MAGI2: variants seen among roughly 807,000 people sequenced by gnomAD.
The protein encoded by MAGI2 is membrane associated guanylate kinase, WW and PDZ domain containing 2, also known as membrane-associated guanylate kinase, WW and PDZ domain-containing protein 2.
Under a neutral mutation model 133.3 loss-of-function variants are expected in MAGI2, and 35 were observed. The ratio of observed to expected loss-of-function variants is 0.26; its 90% confidence interval spans 0.20 to 0.35. The LOEUF (loss-of-function observed/expected upper bound fraction) is 0.35, where lower values mean the gene tolerates loss of function less well. Ranked by LOEUF, MAGI2 falls within the 10% of genes least tolerant of loss-of-function variation. MAGI2 has a pLI of 1.00. For synonymous variants in MAGI2, 729 were observed against 710.6 expected (o/e 1.03, Z -0.41); for missense variants, 1,636 against 1,863.4 (o/e 0.88, Z 2.25).
At chr7:78,821,702 C>CCT (rs1316899949) in intron 2 of MAGI2, among the ~76,000 whole-genome samples, 3 of 151,732 alleles carry the variant, frequency 2.0e-5, no homozygotes, top group Non-Finnish European at 4.4e-5. Context: ...TATTTCATTT[C>CCT]CTCTCTCTAA....
intron 2 of MAGI2, among the ~76,000 whole-genome samples, chr7:78,719,424 G>T (rs1820041731): frequency 6.6e-6 from 1 of 152,120 alleles, no homozygotes; most frequent in South Asian, 2.1e-4. Flanking sequence ...CATTGTGTTG[G>T]CAAGTTTAGT....
At chr7:78,883,344 G>T (rs1468644250) in intron 2 of MAGI2, among the ~76,000 whole-genome samples, 1 of 151,790 alleles carries the variant, frequency 6.6e-6, no homozygotes, top group African/African-American at 2.4e-5. Flanking sequence ...TTTTTGCAAA[G>T]AGAACTACAA....
At chr7:78,372,005 G>C (rs1038929613) in intron 6 of MAGI2, among the ~76,000 whole-genome samples, 2 of 151,976 alleles carry the variant, frequency 1.3e-5, no homozygotes, top group Non-Finnish European at 2.9e-5. Context: ...GCAGATACAC[G>C]CATTGCTTCA....
intron 1 of MAGI2, among the ~76,000 whole-genome samples, chr7:79,329,356 ATT>A (rs1272341936): frequency 2.6e-5 from 4 of 152,238 alleles, no homozygotes; most frequent in Non-Finnish European, 5.9e-5. Flanking sequence ...ACACGTAATA[ATT>A]TGTTTTATTG....
intron 1 of MAGI2, among the ~76,000 whole-genome samples, chr7:79,173,274 T>C (rs1825788674): frequency 6.6e-6 from 1 of 152,024 alleles, no homozygotes; most frequent in Non-Finnish European, 1.5e-5. Flanking sequence ...GTCATGTTCT[T>C]GCATAGAAAA....
intron 2 of MAGI2, among the ~76,000 whole-genome samples, chr7:78,765,343 C>CT (rs10672746): frequency 0.069 from 6,066 of 88,484 alleles, 618 homozygotes; most frequent in Admixed American, 0.11. Flanking sequence ...TAGTGCACAT[C>CT]TTTTTTTTTT....
chr7:79,146,583 T>C (rs746109804), intron 1 of MAGI2, among the ~76,000 whole-genome samples: 26 of 152,190 alleles, frequency 1.7e-4, no homozygotes, highest in Middle Eastern at 3.2e-3. Context: ...GTTTCCCCCA[T>C]ACTCTTCTTG....
intron 2 of MAGI2, among the ~76,000 whole-genome samples, chr7:78,851,052 T>C (rs977404103): frequency 6.6e-6 from 1 of 152,156 alleles, no homozygotes; most frequent in African/African-American, 2.4e-5. Flanking sequence ...TTTATTTTAA[T>C]GTTTATCACC....
Position 79,393,844 on chromosome 7 carries a change from C to T in MAGI2, c.301+59176G>A, listed in dbSNP as rs185729948. ...AAAAACACAGGCAGTTCCCGCTTCC[C>T]TAAAATGACCCAGATGTCCAAAATA... is the stretch of plus-strand genomic sequence containing the variant. On this transcript the variant is annotated intron_variant, in intron 1 of 21. Coordinates refer to ENST00000354212, the MANE Select transcript of MAGI2 (RefSeq NM_012301.4). Among the ~76,000 whole-genome samples the T allele has an allele frequency of 1.1e-3, 162 of 152,268 alleles. 1 individual carries two copies. Among genetic ancestry groups the T allele is most frequent in the Non-Finnish European group, 2.0e-3 (137 of 68,008 alleles).
chr7:79,325,928 A>G (rs1210628543), intron 1 of MAGI2, among the ~76,000 whole-genome samples: 1 of 152,120 alleles, frequency 6.6e-6, no homozygotes, highest in East Asian at 1.9e-4. Context: ...AATTAACCAC[A>G]TTGAGTGCTG....
chr7:78,416,919 C>A (rs911490508), intron 6 of MAGI2, among the ~76,000 whole-genome samples: 2 of 152,086 alleles, frequency 1.3e-5, no homozygotes, highest in Non-Finnish European at 1.5e-5. Flanking sequence ...GACTTCACAG[C>A]CCCTAGAACT....
chr7:78,283,653 G>T (rs1213780200), intron 9 of MAGI2, among the ~76,000 whole-genome samples: 2 of 152,024 alleles, frequency 1.3e-5, no homozygotes, highest in South Asian at 4.1e-4. Context: ...TTTCATGGGA[G>T]AGAATGGCTA....
intron 6 of MAGI2, among the ~76,000 whole-genome samples, chr7:78,373,185 T>C (rs951264073): frequency 2.0e-5 from 3 of 152,082 alleles, no homozygotes; most frequent in Non-Finnish European, 4.4e-5. Context: ...TTCAATAAAG[T>C]AGCTGACAAG....
rs117988084 is a variant in MAGI2 at position 79,442,878 on chromosome 7, C to T, written c.301+10142G>A. Among the ~76,000 whole-genome samples the T allele has an allele frequency of 2.2e-4, 34 of 152,048 alleles. No individual in the cohort carries two copies. The East Asian group carries it at 6.2e-3, about 28-fold the overall frequency. On this transcript the variant is annotated intron_variant, in intron 1 of 21. Transcript: ENST00000354212. The stretch of plus-strand genomic sequence containing the variant: ...TTTAGTGACCCTCCAAGCCTAAATA[C>T]TTGCTATGTTTTGAAGAAACTTTGT...
chr7:78,777,277 A>G (rs978500330), intron 2 of MAGI2, among the ~76,000 whole-genome samples: 6 of 152,372 alleles, frequency 3.9e-5, no homozygotes, highest in African/African-American at 1.4e-4. Flanking sequence ...TCAAAGAGGC[A>G]GAGCTTCAGC....
intron 1 of MAGI2, among the ~76,000 whole-genome samples, chr7:79,430,748 C>A (rs553321537): frequency 3.3e-5 from 5 of 152,162 alleles, no homozygotes; most frequent in Non-Finnish European, 7.3e-5. Flanking sequence ...TATCACAGAA[C>A]TCACCAAATA....
chr7:78,162,499 T>C (rs1458120667), intron 15 of MAGI2, among the ~76,000 whole-genome samples: 1 of 135,162 alleles, frequency 7.4e-6, no homozygotes, highest in Admixed American at 8.3e-5. Context: ...CACTCCAGCC[T>C]GGGCGACAGA....
intron 2 of MAGI2, among the ~76,000 whole-genome samples, chr7:78,798,183 G>A (rs971906429): frequency 6.6e-6 from 1 of 152,122 alleles, no homozygotes; most frequent in Admixed American, 6.6e-5. Flanking sequence ...TTCTGGATTG[G>A]CAATAAACCA....
chr7:78,500,612 A>G (rs80230091), intron 5 of MAGI2, among the ~76,000 whole-genome samples: 1 of 152,220 alleles, frequency 6.6e-6, no homozygotes, highest in Non-Finnish European at 1.5e-5. Context: ...TTTTTTAAAA[A>G]TGTCCTAAAA....
Sources: allele counts gnomAD v4.1 joint callset (sites outside exome capture counted in the v4.1 genomes callset), GRCh38; gene constraint gnomAD v4.1.1; transcripts MANE v1.5; gene names NCBI Gene and HGNC (gene_info 2026-07-23, HGNC 2026-07-21).